MMEL1: variants seen among roughly 807,000 people sequenced by gnomAD.
MMEL1 encodes membrane metalloendopeptidase like 1.
In MMEL1, 98 loss-of-function variants were observed where a neutral mutation model predicts 117.1. That is an observed-to-expected ratio of 0.84 (90% CI 0.71 to 0.99). The LOEUF is 0.99. Among genes scored for constraint, MMEL1 ranks in the 50% least tolerant of loss-of-function variants. The pLI, the probability that MMEL1 is intolerant of heterozygous loss-of-function variation, is 0.00. For synonymous variants in MMEL1, 390 were observed against 415.1 expected, an observed-to-expected ratio of 0.94 and a Z score of 0.74; for missense variants, 1,014 against 1,049.1, an observed-to-expected ratio of 0.97 and a Z score of 0.46.
intron 18 of MMEL1, 42 bp downstream of exon 18, chr1:2,594,343 G>T: frequency 1.3e-6 from 2 of 1,546,208 alleles, no homozygotes; most frequent in Non-Finnish European, 8.8e-7. Context: ...TTCAACTCTG[G>T]CACCAAAGGG....
chr1:2,626,022 C>T (rs552059475), intron 2 of MMEL1, among the ~76,000 whole-genome samples: 5 of 152,294 alleles, frequency 3.3e-5, no homozygotes, highest in Non-Finnish European at 5.9e-5. Flanking sequence ...AGCACTATAG[C>T]CCCTTTCCAG....
intron 17 of MMEL1, 109 bp from the exon 18 acceptor site, chr1:2,594,552 C>T (rs1644800326): frequency 7.5e-7 from 1 of 1,327,662 alleles, no homozygotes; most frequent in Non-Finnish European, 1.1e-6. Flanking sequence ...AGAGCAAGGG[C>T]CCAGGCCTAT....
At chr1:2,591,512 AG>A (rs1644707215) in intron 23 of MMEL1, 44 bp downstream of exon 23, 1 of 1,475,910 alleles carries the variant, frequency 6.8e-7, no homozygotes, top group African/African-American at 1.4e-5. Flanking sequence ...GGTGGGGGTG[AG>A]GGGGTTGTGG....
intron 6 of MMEL1, among the ~76,000 whole-genome samples, chr1:2,608,481 C>T (rs541787747): frequency 5.3e-5 from 8 of 151,926 alleles, no homozygotes; most frequent in Non-Finnish European, 1.0e-4. Flanking sequence ...GACACACATA[C>T]AGCACACACA....
At chr1:2,629,820 G>GC (rs35955733) in intron 1 of MMEL1, 253 of 231,200 alleles carry the variant, frequency 1.1e-3, no homozygotes, top group East Asian at 3.6e-3. Flanking sequence ...CTGTAGTGGA[G>GC]CCCCCCCCCT....
rs1645138506 is a variant in MMEL1, at chr1:2,612,064, C to G, written c.232+63G>C. The G allele has an allele frequency of 2.1e-6, 3 of 1,410,498 alleles. No homozygotes were observed. In the Admixed American group the frequency reaches 5.9e-5, roughly 28 times the overall value. 87.4% of individuals were successfully genotyped at this position (1,410,498 alleles called of 1,614,324 possible). On this transcript the variant is annotated intron_variant, in intron 3 of 23. Transcript: ENST00000378412. The surrounding 1 kb of genome is among the most constrained non-coding windows in gnomAD (Gnocchi z 5.4). The stretch of plus-strand genomic sequence containing the variant: ...AGCCCCTGCCCCTCCACGGAGTCCC[C>G]CCACCTTGGGAGGCCAGCGCCCACC...
At chr1:2,622,008 T>C (rs754174449) in intron 2 of MMEL1, among the ~76,000 whole-genome samples, 1 of 152,152 alleles carries the variant, frequency 6.6e-6, no homozygotes, top group Non-Finnish European at 1.5e-5. Flanking sequence ...TCCGAATAAA[T>C]CTCTGCAAAT....
At chr1:2,593,734 T>C in intron 19 of MMEL1, 80 bp downstream of exon 19, 1 of 1,465,910 alleles carries the variant, frequency 6.8e-7, no homozygotes, top group Non-Finnish European at 9.1e-7. Context: ...AGGGGTTGAA[T>C]GGAGCGCCCC....
intron 2 of MMEL1, among the ~76,000 whole-genome samples, chr1:2,623,780 G>C (rs1000879572): frequency 6.6e-6 from 1 of 152,220 alleles, no homozygotes; most frequent in Non-Finnish European, 1.5e-5. Context: ...TGGAGGCAGG[G>C]ACCTGCTTTG....
At position 2,595,498 on chromosome 1, in the gene MMEL1, G is replaced by A; in HGVS notation, c.1501-139C>T. 1 of 697,924 alleles carries A rather than the reference G, an allele frequency of 1.4e-6. No individual in the cohort carries two copies. The highest frequency in any genetic ancestry group is 2.5e-6 in the Non-Finnish European group (1 of 398,894). 43.2% of individuals were successfully genotyped at this position (697,924 alleles called of 1,614,324 possible). On this transcript the variant is annotated intron_variant, in intron 15 of 23. Coordinates refer to ENST00000378412, the MANE Select transcript of MMEL1 (RefSeq NM_033467.4). The surrounding 1 kb of genome is among the most constrained non-coding windows in gnomAD (Gnocchi z 4.8). Reference sequence around the variant, plus strand: ...GTGCTCTCCCTGTCCTGTGGTGAGGGGCTGGGGGGCTCCGGGATCTGGCCC... The same window carrying A: ...GTGCTCTCCCTGTCCTGTGGTGAGGAGCTGGGGGGCTCCGGGATCTGGCCC...
At chr1:2,630,683 G>A (rs1001729858) in intron 1 of MMEL1, among the ~76,000 whole-genome samples, 15 of 151,584 alleles carry the variant, frequency 9.9e-5, no homozygotes, top group Non-Finnish European at 2.2e-4. Flanking sequence ...ATGCACGTGT[G>A]TGCGTGTACA....
chr1:2,594,113 C>T, intron 18 of MMEL1, 180 bp from the exon 19 acceptor site: 1 of 884,904 alleles, frequency 1.1e-6, no homozygotes. Context: ...CGGGCTCGTG[C>T]CTGGCAGACC....
rs765699086 is a variant in MMEL1 at position 2,629,326 on chromosome 1, C to T, written c.154+5G>A. ...GACAGGCGGGGGCGGGGCACCCGCA[C>T]TCACCTCTGCGGTCGGCGTAGAGGA... On this transcript the variant is annotated splice_donor_5th_base_variant and intron_variant, in intron 2 of 23. Coordinates refer to ENST00000378412, the MANE Select transcript of MMEL1 (RefSeq NM_033467.4). The T allele has an allele frequency of 8.5e-6, 13 of 1,531,674 alleles. No homozygotes were observed. Among genetic ancestry groups the T allele is most frequent in the African/African-American group, 1.4e-5 (1 of 71,734 alleles). 94.9% of individuals were successfully genotyped at this position (1,531,674 alleles called of 1,614,324 possible).
In MMEL1 at chr1:2,594,352, G is replaced by A. The variant is rs1198786634; in HGVS notation, c.1747+33C>T. On this transcript the variant is annotated intron_variant, in intron 18 of 23. Coordinates refer to ENST00000378412, the MANE Select transcript of MMEL1 (RefSeq NM_033467.4). ...CACCCCTTCAACTCTGGCACCAAAGGGCCTGGGCAGGCAGGGAGGGGGAGG... is the reference window on the plus strand; with the variant it reads ...CACCCCTTCAACTCTGGCACCAAAGAGCCTGGGCAGGCAGGGAGGGGGAGG... 5.8e-6 allele frequency: 9 copies of A among 1,548,608 alleles called. No individual in the cohort carries two copies. In the Admixed American group the frequency reaches 1.6e-4, roughly 27 times the overall value.
intron 2 of MMEL1, among the ~76,000 whole-genome samples, chr1:2,614,823 T>C (rs748653491): frequency 2.0e-5 from 3 of 150,858 alleles, no homozygotes; most frequent in Non-Finnish European, 2.9e-5. Context: ...AGAAAAATGG[T>C]TGATTATACA....
rs1645147321 is a variant in MMEL1 at position 2,612,522 on chromosome 1, C to T, written c.155-318G>A. Among the ~76,000 whole-genome samples the T allele has an allele frequency of 6.6e-6, 1 of 152,180 alleles. No homozygotes were observed. The highest frequency in any genetic ancestry group is 1.5e-5 in the Non-Finnish European group (1 of 68,022). ...GCCTAGAGGGGTCCTGAGGTGAGAC[C>T]TTCCTCTTCCCGACAGCCTCCTCTA... On this transcript the variant is annotated intron_variant, in intron 2 of 23. Coordinates refer to ENST00000378412, the MANE Select transcript of MMEL1 (RefSeq NM_033467.4). This position sits in a 1 kb window ranked among gnomAD's most constrained non-coding sequence, Gnocchi z 5.4.
intron 6 of MMEL1, among the ~76,000 whole-genome samples, chr1:2,607,924 ACCT>A (rs1209728180): frequency 6.6e-6 from 1 of 150,668 alleles, no homozygotes. Flanking sequence ...GTGCCGTCTG[ACCT>A]CCTGGGCTGC....
chr1:2,598,663 T>C lies in MMEL1; in HGVS notation c.1169A>G (p.Tyr390Cys). Reference sequence around the variant, plus strand: ...CCTCCCTGGGCCTCACCTGGCTGAGTAGGTGTCGATGATGTTTTCAAGGTT... The same window carrying C: ...CCTCCCTGGGCCTCACCTGGCTGAGCAGGTGTCGATGATGTTTTCAAGGTT... ...LQNLENIIDT[Y>C]SARTIQNYLV... Residue 390 changes from tyrosine (Y) to cysteine (C), a missense_variant, in exon 12 of 24, where the codon TAC becomes TGC. Transcript: ENST00000378412. 2 of 1,613,918 alleles carry C rather than the reference T, an allele frequency of 1.2e-6. No individual in the cohort carries two copies. Among genetic ancestry groups the C allele is most frequent in the Non-Finnish European group, 1.7e-6 (2 of 1,179,964 alleles).
In MMEL1 at chr1:2,601,725, C is replaced by T. The variant is rs750623196; in HGVS notation, c.1041+2159G>A. The stretch of plus-strand genomic sequence containing the variant: ...AAGAATCAATCAGAGAAAGATCGCC[C>T]GATAGAACAAATGGGCAAGACTCAA... On this transcript the variant is annotated intron_variant, in intron 11 of 23. Transcript: ENST00000378412. Among the ~76,000 whole-genome samples the T allele has an allele frequency of 1.2e-4, 18 of 152,246 alleles. No individual in the cohort carries two copies. The East Asian group carries it at 2.3e-3, about 20-fold the overall frequency.
Sources: allele counts gnomAD v4.1 joint callset (sites outside exome capture counted in the v4.1 genomes callset), GRCh38; gene constraint gnomAD v4.1.1; non-coding constraint Gnocchi (gnomAD v3.1); transcripts MANE v1.5; gene names NCBI Gene and HGNC (gene_info 2026-07-23, HGNC 2026-07-21).